Variants in MBOAT1 observed in about 807,000 individuals in gnomAD.
MBOAT1 encodes the protein membrane bound glycerophospholipid O-acyltransferase 1, also known as membrane-bound glycerophospholipid O-acyltransferase 1.
In MBOAT1, 67 loss-of-function variants were observed where a neutral mutation model predicts 64.4. The ratio of observed to expected loss-of-function variants is 1.04; its 90% CI spans 0.85 to 1.27. The LOEUF is 1.27. Among genes scored for constraint, MBOAT1 ranks in the 50% most tolerant of loss-of-function variants. MBOAT1 has a pLI of 0.00. For missense variants in MBOAT1, 563 were observed against 604.6 expected, an observed-to-expected ratio of 0.93 and a Z score of 0.72; for synonymous variants, 229 against 218.9, an observed-to-expected ratio of 1.05 and a Z score of -0.41.
chr6:20,124,951 T>C, intron 7 of MBOAT1, among the ~76,000 whole-genome samples: 1 of 152,098 alleles, frequency 6.6e-6, no homozygotes, highest in Non-Finnish European at 1.5e-5. Flanking sequence ...CAAAAAACAT[T>C]TGCACATTTG....
chr6:20,176,820 C>T (rs561211051), intron 1 of MBOAT1, among the ~76,000 whole-genome samples: 53 of 152,190 alleles, frequency 3.5e-4, no homozygotes, highest in African/African-American at 1.2e-3. Flanking sequence ...GGTGGGGTTT[C>T]ATCATGTTGG....
rs1356158337 is a variant in MBOAT1, at chr6:20,212,454, G to C, written c.-220C>G. On this transcript the variant is annotated 5_prime_UTR_variant, in exon 1 of 13. Transcript: ENST00000324607. ...GCTTTGGCGCTGGCGCTGCAGCCAC[G>C]GGCGCCGTAGGAGGGCCGGGCCCAA... The C allele has an allele frequency of 1.8e-6, 1 of 556,422 alleles. No homozygotes were observed. The highest frequency in any genetic ancestry group is 2.0e-5 in the African/African-American group (1 of 50,442). 34.5% of individuals were successfully genotyped at this position (556,422 alleles called of 1,614,324 possible).
At chr6:20,185,583 T>C (rs533689841) in intron 1 of MBOAT1, among the ~76,000 whole-genome samples, 2 of 152,314 alleles carry the variant, frequency 1.3e-5, no homozygotes, top group South Asian at 2.1e-4. Flanking sequence ...GCCTCCATAA[T>C]CTTTCGCTCT....
intron 1 of MBOAT1, among the ~76,000 whole-genome samples, chr6:20,204,112 C>G (rs1256046162): frequency 3.3e-5 from 5 of 152,152 alleles, no homozygotes; most frequent in Non-Finnish European, 7.3e-5. Context: ...AAGAATGAGA[C>G]TCTCTTCTCT....
chr6:20,152,336 AAAT>A lies in MBOAT1; in HGVS notation c.245+285_245+287del, dbSNP rs1179094016. ...AGCGAGACTCCGTCTCAAAAAAAAA[AAAT>A]AAAAAATAAATAAATAAATAAATAA... On this transcript the variant is annotated intron_variant, in intron 2 of 12. Transcript: ENST00000324607. Among the ~76,000 whole-genome samples, 5 of 57,422 alleles carry A rather than the reference AAAT, an allele frequency of 8.7e-5. No individual in the cohort carries two copies. The East Asian group carries it at 1.2e-3, about 14-fold the overall frequency. The allele number at this position is 57,422 out of a possible 152,430, so 37.7% of individuals were successfully genotyped here.
Position 20,102,352 on chromosome 6 carries a change from T to C in MBOAT1, c.1422A>G (p.Lys474=). 6.2e-7 allele frequency: 1 copy of C among 1,613,654 alleles called. No individual in the cohort carries two copies. Among genetic ancestry groups the C allele is most frequent in the Non-Finnish European group, 8.5e-7 (1 of 1,179,624 alleles). ...SLLIILFLPM[K]PQAHTQRRPQ... ...GCCGCCTTTGCGTATGAGCTTGTGGTTTCATTGGCAGAAATAGTATTATCA... is the reference window on the plus strand; with the variant it reads ...GCCGCCTTTGCGTATGAGCTTGTGGCTTCATTGGCAGAAATAGTATTATCA... Residue 474 remains lysine (K), a synonymous_variant, in exon 13 of 13, where the codon AAA becomes AAG. Transcript: ENST00000324607.
At chr6:20,164,364 C>T (rs909588982) in intron 1 of MBOAT1, among the ~76,000 whole-genome samples, 1 of 152,064 alleles carries the variant, frequency 6.6e-6, no homozygotes, top group Non-Finnish European at 1.5e-5. Context: ...CTAATAACAT[C>T]TACCCTACCA....
intron 1 of MBOAT1, among the ~76,000 whole-genome samples, chr6:20,182,202 C>G (rs1050819781): frequency 6.6e-6 from 1 of 152,202 alleles, no homozygotes; most frequent in African/African-American, 2.4e-5. Flanking sequence ...ACATGTATTG[C>G]TCATGGATCC....
chr6:20,170,105 G>A (rs1391285002), intron 1 of MBOAT1, among the ~76,000 whole-genome samples: 1 of 152,100 alleles, frequency 6.6e-6, no homozygotes, highest in Non-Finnish European at 1.5e-5. Context: ...CCTCTCCTTT[G>A]AGGGCAGTTC....
At position 20,128,772 on chromosome 6, in the gene MBOAT1, T is replaced by A. The variant is rs181219021; in HGVS notation, c.476-19A>T. The stretch of plus-strand genomic sequence containing the variant: ...CCTAATCCTATGAAAAAGAAAAGAA[T>A]TTAGAAATAAGATGTTTGAAGTGAA... On this transcript the variant is annotated intron_variant, in intron 5 of 12. Coordinates refer to ENST00000324607, the MANE Select transcript of MBOAT1 (RefSeq NM_001080480.3). 2,494 of 1,575,892 alleles carry A rather than the reference T, an allele frequency of 1.6e-3. 6 individuals are homozygous for A. The highest frequency in any genetic ancestry group is 2.0e-3 in the Non-Finnish European group (2,346 of 1,158,436).
intron 8 of MBOAT1, among the ~76,000 whole-genome samples, chr6:20,124,021 C>G (rs866547991): frequency 6.6e-6 from 1 of 152,058 alleles, no homozygotes; most frequent in Admixed American, 6.5e-5. Context: ...CGTGCCACTG[C>G]GCTCCAGCCT....
chr6:20,148,325 G>A (rs1447254010), intron 3 of MBOAT1, among the ~76,000 whole-genome samples: 1 of 152,204 alleles, frequency 6.6e-6, no homozygotes. Context: ...GCTGAGGCAG[G>A]AGAATCACTT....
chr6:20,194,055 C>T (rs191179070), intron 1 of MBOAT1, among the ~76,000 whole-genome samples: 85 of 152,060 alleles, frequency 5.6e-4, no homozygotes, highest in African/African-American at 1.9e-3. Context: ...TCTAAATGGA[C>T]GGCCTCAATG....
chr6:20,110,098 C>A (rs148828873), intron 11 of MBOAT1, among the ~76,000 whole-genome samples: 2,447 of 151,386 alleles, frequency 0.016, 54 homozygotes, highest in African/African-American at 0.056. Flanking sequence ...TTTAGTAGAG[C>A]TGGGGTTTCG....
intron 1 of MBOAT1, among the ~76,000 whole-genome samples, chr6:20,201,062 C>T (rs1763109132): frequency 6.6e-6 from 1 of 152,216 alleles, no homozygotes; most frequent in South Asian, 2.1e-4. Context: ...ATCTCTAGAG[C>T]TGTCCTGCTG....
chr6:20,109,801 C>T lies in MBOAT1; in HGVS notation c.1210-52G>A, dbSNP rs750481105. The T allele has an allele frequency of 1.9e-6, 3 of 1,572,814 alleles. No homozygotes were observed. The Admixed American group carries it at 5.2e-5, about 27-fold the overall frequency. On this transcript the variant is annotated intron_variant, in intron 11 of 12. Coordinates refer to ENST00000324607, the MANE Select transcript of MBOAT1 (RefSeq NM_001080480.3). Reference sequence around the variant, plus strand: ...TGAGGAGGGGGTGAAAAACAAATAACAACTTTTACTCTGTGCATGCAGATA... The same window carrying T: ...TGAGGAGGGGGTGAAAAACAAATAATAACTTTTACTCTGTGCATGCAGATA...
At chr6:20,120,980 C>T (rs867857680) in intron 8 of MBOAT1, among the ~76,000 whole-genome samples, 2 of 152,162 alleles carry the variant, frequency 1.3e-5, no homozygotes, top group African/African-American at 2.4e-5. Flanking sequence ...TTAATTTGTA[C>T]GCCCATCTGT....
At chr6:20,212,104 C>A (rs752190783) in intron 1 of MBOAT1, 32 bp downstream of exon 1, 34 of 1,600,694 alleles carry the variant, frequency 2.1e-5, no homozygotes, top group Non-Finnish European at 2.8e-5. Context: ...CGCTGGGGAG[C>A]TGGGGTCGCT....
At position 20,174,858 on chromosome 6, in the gene MBOAT1, AC is replaced by A. The variant is rs1762296727; in HGVS notation, c.100-22090del. Among the ~76,000 whole-genome samples, 5 of 152,348 alleles carry A rather than the reference AC, an allele frequency of 3.3e-5. No individual in the cohort carries two copies. The South Asian group carries it at 1.0e-3, about 32-fold the overall frequency. ...ATCAGCTAACCAATTTTTGAAGAGG[AC>A]TTTTCAAAGCAAAAAGTTAGTTATG... On this transcript the variant is annotated intron_variant, in intron 1 of 12. Transcript: ENST00000324607.
Sources: allele counts gnomAD v4.1 joint callset (sites outside exome capture counted in the v4.1 genomes callset), GRCh38; gene constraint gnomAD v4.1.1; transcripts MANE v1.5; gene names NCBI Gene and HGNC (gene_info 2026-07-23, HGNC 2026-07-21).